The following PLXNA4 variants were observed in gnomAD, a reference collection of about 807,000 sequenced individuals.
PLXNA4 encodes the protein plexin-A4.
In PLXNA4, 44 loss-of-function variants were observed where a neutral mutation model predicts 191.8. The observed-to-expected ratio is 0.23, with a 90% CI of 0.18 to 0.29. PLXNA4 has a LOEUF of 0.29. PLXNA4 is among the 10% of genes least tolerant of loss of function. The probability of loss-of-function intolerance (pLI) is 1.00; values close to 1 mark genes in which losing one functional copy is unlikely to be tolerated. For synonymous variants in PLXNA4, 1,082 were observed against 1,009.5 expected, an observed-to-expected ratio of 1.07 and a Z score of -1.36; for missense variants, 1,800 against 2,488.8, an observed-to-expected ratio of 0.72 and a Z score of 5.89.
chr7:132,521,401 T>C (rs1165235689), intron 1 of PLXNA4, among the ~76,000 whole-genome samples: 1 of 152,150 alleles, frequency 6.6e-6, no homozygotes, highest in African/African-American at 2.4e-5. Context: ...GAACATGTCA[T>C]ACATCATAAG....
intron 3 of PLXNA4, among the ~76,000 whole-genome samples, chr7:132,426,438 C>A (rs942891850): frequency 6.6e-6 from 1 of 152,230 alleles, no homozygotes; most frequent in African/African-American, 2.4e-5. Context: ...GTCTGCCCAA[C>A]CCTAGCTCAG....
intron 3 of PLXNA4, among the ~76,000 whole-genome samples, chr7:132,424,224 T>C (rs573404866): frequency 2.2e-4 from 33 of 152,202 alleles, no homozygotes; most frequent in Non-Finnish European, 3.7e-4. Context: ...GCAGGGGTTG[T>C]GGATTCACAT....
chr7:132,541,364 C>T (rs749806419), intron 1 of PLXNA4, among the ~76,000 whole-genome samples: 3 of 152,212 alleles, frequency 2.0e-5, no homozygotes, highest in Non-Finnish European at 2.9e-5. Context: ...CAGAGAGAGC[C>T]GGTGCTGCTG....
intron 2 of PLXNA4, among the ~76,000 whole-genome samples, chr7:132,630,504 G>C (rs1015581672): frequency 6.7e-6 from 1 of 149,400 alleles, no homozygotes; most frequent in African/African-American, 2.6e-5. Context: ...TCCACTTTGG[G>C]TTTTTTTGTT....
At chr7:132,607,974 T>C (rs1461010681) in intron 2 of PLXNA4, among the ~76,000 whole-genome samples, 23 of 131,950 alleles carry the variant, frequency 1.7e-4, no homozygotes, top group African/African-American at 5.2e-4. Context: ...CCACCATCAC[T>C]GCCATCATCC....
rs138429196 is a variant in PLXNA4 at position 132,594,447 on chromosome 7, G to A, written c.-87+51481C>T. On this transcript the variant is annotated intron_variant, in intron 2 of 4. Transcript: ENST00000378539. ...ACAGTAGATTTCTGCTAAGCCACTC[G>A]GTTTGTGATACTTCATTATGGCAAT... 6.6e-3 allele frequency among the ~76,000 whole-genome samples: 999 copies of A among 152,286 alleles called. 18 individuals are homozygous for A. Among genetic ancestry groups the A allele is most frequent in the African/African-American group, 0.022 (907 of 41,556 alleles).
chr7:132,435,966 C>A (rs1034877339), intron 3 of PLXNA4, among the ~76,000 whole-genome samples: 1 of 152,330 alleles, frequency 6.6e-6, no homozygotes, highest in East Asian at 1.9e-4. Flanking sequence ...TACTAATATT[C>A]TCTAAATTAG....
At chr7:132,518,680 A>T (rs1288330159) in intron 1 of PLXNA4, among the ~76,000 whole-genome samples, 1 of 152,164 alleles carries the variant, frequency 6.6e-6, no homozygotes, top group Non-Finnish European at 1.5e-5. Flanking sequence ...TTCCTAGTTT[A>T]TTAAAAGGGG....
intron 3 of PLXNA4, among the ~76,000 whole-genome samples, chr7:132,468,770 A>G (rs768598198): frequency 9.9e-5 from 15 of 151,926 alleles, no homozygotes; most frequent in Non-Finnish European, 1.6e-4. Context: ...CACACACACA[A>G]TATTTATGCA....
chr7:132,340,021 C>A (rs1563044951), intron 3 of PLXNA4, among the ~76,000 whole-genome samples: 1 of 152,136 alleles, frequency 6.6e-6, no homozygotes, highest in Non-Finnish European at 1.5e-5. Context: ...GCCTAGCTAG[C>A]CATAGCAGGG....
intron 3 of PLXNA4, among the ~76,000 whole-genome samples, chr7:132,342,467 C>T (rs1484345180): frequency 6.6e-6 from 1 of 151,968 alleles, no homozygotes; most frequent in Non-Finnish European, 1.5e-5. Flanking sequence ...ACGCTGTAGA[C>T]AAGGGTGTGT....
chr7:132,574,323 T>C (rs551318888), intron 1 of PLXNA4, among the ~76,000 whole-genome samples: 329 of 152,382 alleles, frequency 2.2e-3, no homozygotes, highest in Non-Finnish European at 2.7e-3. Flanking sequence ...CATGAGGGAC[T>C]GTTTACCTGG....
At chr7:132,600,286 G>C (rs1802791817) in intron 2 of PLXNA4, among the ~76,000 whole-genome samples, 2 of 152,160 alleles carry the variant, frequency 1.3e-5, no homozygotes, top group Admixed American at 1.3e-4. Context: ...TCTGGGCTTA[G>C]AGTTTGGGGA....
At chr7:132,636,614 T>C (rs1329328865) in intron 2 of PLXNA4, among the ~76,000 whole-genome samples, 1 of 152,230 alleles carries the variant, frequency 6.6e-6, no homozygotes, top group Non-Finnish European at 1.5e-5. Flanking sequence ...GCCAGTCACC[T>C]GCCAAAACCC....
intron 3 of PLXNA4, among the ~76,000 whole-genome samples, chr7:132,464,803 T>C (rs1455843384): frequency 6.6e-6 from 1 of 152,170 alleles, no homozygotes; most frequent in Non-Finnish European, 1.5e-5. Context: ...TGGCGCAAGC[T>C]CAGCGGACCT....
At chr7:132,153,020 G>A (rs1289651605) in intron 25 of PLXNA4, among the ~76,000 whole-genome samples, 1 of 152,206 alleles carries the variant, frequency 6.6e-6, no homozygotes, top group African/African-American at 2.4e-5. Flanking sequence ...ACAGGGAAAC[G>A]GGATAAAACA....
chr7:132,186,042 C>T (rs1209247139), intron 15 of PLXNA4, among the ~76,000 whole-genome samples: 2 of 152,182 alleles, frequency 1.3e-5, no homozygotes, highest in Non-Finnish European at 2.9e-5. Context: ...ACTACTGATG[C>T]CAGGCCTGGC....
At chr7:132,588,497 A>C (rs967389830) in intron 2 of PLXNA4, among the ~76,000 whole-genome samples, 1 of 152,102 alleles carries the variant, frequency 6.6e-6, no homozygotes, top group Non-Finnish European at 1.5e-5. Flanking sequence ...CCAGAAAATA[A>C]AACTAAAGCA....
intron 3 of PLXNA4, among the ~76,000 whole-genome samples, chr7:132,343,564 G>A (rs1803122859): frequency 6.6e-6 from 1 of 152,182 alleles, no homozygotes. Context: ...AGAGCCCCCT[G>A]GCTTAAAGTC....
Sources: allele counts gnomAD v4.1 joint callset (sites outside exome capture counted in the v4.1 genomes callset), GRCh38; gene constraint gnomAD v4.1.1; transcripts MANE v1.5; gene names NCBI Gene and HGNC (gene_info 2026-07-23, HGNC 2026-07-21).